The following MINDY4 variants were observed in gnomAD, a reference collection of about 807,000 sequenced individuals.
MINDY4 encodes the protein MINDY lysine 48 deubiquitinase 4.
In MINDY4, 68 loss-of-function variants were observed where a neutral mutation model predicts 87.0. The observed-to-expected ratio is 0.78, with a 90% CI of 0.64 to 0.96. The LOEUF (loss-of-function observed/expected upper bound fraction) is 0.96, where lower values mean the gene tolerates loss of function less well. Among genes scored for constraint, MINDY4 ranks in the 40% least tolerant of loss-of-function variants. The probability of loss-of-function intolerance (pLI) is 0.00; values close to 1 mark genes in which losing one functional copy is unlikely to be tolerated. For synonymous variants in MINDY4, 379 were observed against 363.2 expected, an observed-to-expected ratio of 1.04 and a Z score of -0.50; for missense variants, 919 against 928.2, an observed-to-expected ratio of 0.99 and a Z score of 0.13.
At chr7:30,794,883 C>T (rs565299445) in intron 5 of MINDY4, among the ~76,000 whole-genome samples, 9 of 152,260 alleles carry the variant, frequency 5.9e-5, no homozygotes, top group Admixed American at 2.6e-4. Flanking sequence ...GTGTTGCGGG[C>T]GGGGGCCTTT....
rs141957722 is a variant in MINDY4 at position 30,867,598 on chromosome 7, T to G, written c.1746-4645T>G. The stretch of plus-strand genomic sequence containing the variant: ...GGCCCTCTGACTTTAGAGCCCAAGT[T>G]CTCTTGGTTGTACCACAGCTGCCCT... On this transcript the variant is annotated intron_variant, in intron 13 of 17. Transcript: ENST00000265299. Among the ~76,000 whole-genome samples the G allele has an allele frequency of 4.3e-3, 656 of 152,302 alleles. 5 individuals carry two copies. Among genetic ancestry groups the G allele is most frequent in the African/African-American group, 0.015 (620 of 41,568 alleles).
At chr7:30,880,580 G>A (rs939323001) in intron 15 of MINDY4, among the ~76,000 whole-genome samples, 2 of 152,142 alleles carry the variant, frequency 1.3e-5, no homozygotes, top group Admixed American at 1.3e-4. Context: ...TCTCCCTGCC[G>A]TGAATGAATG....
At chr7:30,882,087 C>T (rs1418480604) in intron 15 of MINDY4, 94 bp from the exon 16 acceptor site, 7 of 1,238,348 alleles carry the variant, frequency 5.7e-6, no homozygotes, top group African/African-American at 1.5e-5. Context: ...AGCAGGGCCT[C>T]TCTGAGGTCA....
chr7:30,813,952 T>A (rs1261676284), intron 5 of MINDY4, among the ~76,000 whole-genome samples: 1 of 152,202 alleles, frequency 6.6e-6, no homozygotes, highest in Non-Finnish European at 1.5e-5. Context: ...GGAACCAGTC[T>A]TGACTTGATC....
intron 13 of MINDY4, among the ~76,000 whole-genome samples, chr7:30,859,632 C>T (rs1235482128): frequency 6.6e-6 from 1 of 152,210 alleles, no homozygotes; most frequent in African/African-American, 2.4e-5. Context: ...GGGGATGCCC[C>T]TGGCACTTGT....
At chr7:30,822,519 A>T (rs1247535576) in intron 5 of MINDY4, among the ~76,000 whole-genome samples, 1 of 152,182 alleles carries the variant, frequency 6.6e-6, no homozygotes, top group Admixed American at 6.5e-5. Flanking sequence ...TGTAGCCCAT[A>T]ATCAAATCTT....
At chr7:30,868,484 C>G (rs1435378012) in intron 13 of MINDY4, among the ~76,000 whole-genome samples, 1 of 152,246 alleles carries the variant, frequency 6.6e-6, no homozygotes, top group African/African-American at 2.4e-5. Context: ...ATTGTGCAGC[C>G]TGCTCAGTGG....
intron 5 of MINDY4, among the ~76,000 whole-genome samples, chr7:30,823,394 T>C (rs1385875294): frequency 6.6e-6 from 1 of 152,234 alleles, no homozygotes; most frequent in Non-Finnish European, 1.5e-5. Context: ...TCTACATTCA[T>C]TGACGGTATT....
Position 30,836,715 on chromosome 7 carries a change from T to A in MINDY4, c.1190T>A (p.Val397Glu). 4 of 1,614,200 alleles carry A rather than the reference T, an allele frequency of 2.5e-6. No individual in the cohort carries two copies. Among genetic ancestry groups the A allele is most frequent in the Non-Finnish European group, 3.4e-6 (4 of 1,180,026 alleles). ...EEVILSPVPS[V>E]LKLQTASKPI... ...GTCATCCTGTCGCCAGTCCCATCAGTGCTCAAGTTGCAGACAGCATCAAAA... is the reference window on the plus strand; with the variant it reads ...GTCATCCTGTCGCCAGTCCCATCAGAGCTCAAGTTGCAGACAGCATCAAAA... The change falls in exon 7 of 18, where the codon GTG becomes GAG. Residue 397 changes from valine to glutamate, a missense_variant. Coordinates refer to ENST00000265299, the MANE Select transcript of MINDY4 (RefSeq NM_032222.3).
intron 5 of MINDY4, among the ~76,000 whole-genome samples, chr7:30,813,527 G>A (rs1478226755): frequency 1.3e-5 from 2 of 152,216 alleles, no homozygotes; most frequent in African/African-American, 4.8e-5. Flanking sequence ...AACAGCTGAG[G>A]AACCTCAGCA....
intron 4 of MINDY4, 114 bp from the exon 5 acceptor site, chr7:30,791,051 G>A: frequency 9.4e-7 from 1 of 1,063,366 alleles, no homozygotes; most frequent in Admixed American, 2.3e-5. Flanking sequence ...GTCCGAGGTG[G>A]GAAAAGACAT....
chr7:30,775,638 C>T (rs1276330468), intron 1 of MINDY4, among the ~76,000 whole-genome samples: 1 of 152,180 alleles, frequency 6.6e-6, no homozygotes, highest in Non-Finnish European at 1.5e-5. Flanking sequence ...CTGAAAGTTC[C>T]AGCCCTCTAA....
chr7:30,815,369 C>A (rs1377801319), intron 5 of MINDY4, among the ~76,000 whole-genome samples: 2 of 152,212 alleles, frequency 1.3e-5, no homozygotes, highest in African/African-American at 4.8e-5. Flanking sequence ...TGCCAGGAAG[C>A]CCTAATCAGA....
intron 5 of MINDY4, among the ~76,000 whole-genome samples, chr7:30,810,046 C>T (rs1034609185): frequency 1.3e-5 from 2 of 151,474 alleles, no homozygotes; most frequent in Non-Finnish European, 2.9e-5. Flanking sequence ...CATGGTGGTG[C>T]CTGCCTGTAG....
Position 30,817,596 on chromosome 7 carries a change from A to G in MINDY4, c.1074-11083A>G, listed in dbSNP as rs1034424539. ...GGCACCTCCAGTGTTTGCTGTGTGC[A>G]TACCTGGCCAAGAAGTGCTTGCAGG... On this transcript the variant is annotated intron_variant, in intron 5 of 17. Transcript: ENST00000265299. 3.3e-5 allele frequency among the ~76,000 whole-genome samples: 5 copies of G among 152,220 alleles called. No individual in the cohort carries two copies. In the East Asian group the frequency reaches 5.8e-4, roughly 18 times the overall value.
intron 5 of MINDY4, chr7:30,796,821 C>A (rs772561469): frequency 6.6e-6 from 1 of 150,430 alleles, no homozygotes; most frequent in African/African-American, 2.5e-5. Context: ...CATATGATGT[C>A]TTGCTCTTCA....
At chr7:30,853,280 G>A in intron 11 of MINDY4, 114 bp from the exon 12 acceptor site, 1 of 803,336 alleles carries the variant, frequency 1.2e-6, no homozygotes, top group South Asian at 1.5e-5. Flanking sequence ...TCTGACGCAG[G>A]GACATTCCCA....
At chr7:30,816,277 G>T (rs1475047122) in intron 5 of MINDY4, among the ~76,000 whole-genome samples, 2 of 147,308 alleles carry the variant, frequency 1.4e-5, no homozygotes, top group African/African-American at 5.2e-5. Context: ...TGCCCTTGAA[G>T]AAAACTTCTG....
intron 13 of MINDY4, among the ~76,000 whole-genome samples, chr7:30,863,065 G>T (rs1043792840): frequency 3.9e-5 from 6 of 152,056 alleles, no homozygotes; most frequent in African/African-American, 1.4e-4. Context: ...CCCCCCTTTG[G>T]AGAAGCCCCA....
Sources: allele counts gnomAD v4.1 joint callset (sites outside exome capture counted in the v4.1 genomes callset), GRCh38; gene constraint gnomAD v4.1.1; transcripts MANE v1.5; gene names NCBI Gene and HGNC (gene_info 2026-07-23, HGNC 2026-07-21).